The following SLC16A7 variants were observed in gnomAD, a reference collection of about 807,000 sequenced individuals.
SLC16A7 encodes the protein solute carrier family 16 member 7.
Under a neutral mutation model 34.9 loss-of-function variants are expected in SLC16A7, and 33 were observed. The ratio of observed to expected loss-of-function variants is 0.94; its 90% CI spans 0.72 to 1.26. The LOEUF (loss-of-function observed/expected upper bound fraction) is 1.26. SLC16A7 is among the 50% of genes most tolerant of loss of function. The pLI is 0.00. For missense variants in SLC16A7, 573 were observed against 578.1 expected (o/e 0.99, Z 0.09); for synonymous variants, 201 against 206.6 (o/e 0.97, Z 0.23).
At chr12:59,753,232 C>G (rs1285049960) in intron 3 of SLC16A7, among the ~76,000 whole-genome samples, 3 of 152,168 alleles carry the variant, frequency 2.0e-5, no homozygotes, top group Non-Finnish European at 4.4e-5. Context: ...ATCATAATGA[C>G]AGGATCAAAT....
chr12:59,614,054 CTT>C (rs373589268), intron 1 of SLC16A7, among the ~76,000 whole-genome samples: 23 of 136,744 alleles, frequency 1.7e-4, no homozygotes, highest in African/African-American at 1.9e-4. Flanking sequence ...GAATGAGAGC[CTT>C]TTTTTTTTTT....
In SLC16A7 at chr12:59,647,707, T is replaced by C. The variant is rs151254391; in HGVS notation, c.-129-7445T>C. 3.2e-3 allele frequency among the ~76,000 whole-genome samples: 480 copies of C among 152,224 alleles called. 1 individual carries two copies. Among genetic ancestry groups the C allele is most frequent in the African/African-American group, 0.011 (466 of 41,546 alleles). ...ATGTGCACAGGTAATCAAGATGTTG[T>C]GGGAGTTCATGCCTGATCTGATGGC... On this transcript the variant is annotated intron_variant, in intron 1 of 5. Transcript: ENST00000547379.
intron 1 of SLC16A7, among the ~76,000 whole-genome samples, chr12:59,601,186 C>T (rs1878665657): frequency 6.6e-6 from 1 of 152,060 alleles, no homozygotes; most frequent in African/African-American, 2.4e-5. Flanking sequence ...GCTGTTTCTC[C>T]ACCTCATAAT....
chr12:59,779,701 C>G lies in SLC16A7; in HGVS notation c.*22C>G. 1 of 1,583,406 alleles carries G rather than the reference C, an allele frequency of 6.3e-7. No homozygotes were observed. The highest frequency in any genetic ancestry group is 8.6e-7 in the Non-Finnish European group (1 of 1,160,512). On this transcript the variant is annotated 3_prime_UTR_variant, in exon 6 of 6. Transcript: ENST00000547379. ...TTAACAAGAATCACATCTCTGATTT[C>G]AGTGTTTATGACTTTATCTAGGAGT...
At chr12:59,759,084 T>A (rs575271198) in intron 3 of SLC16A7, among the ~76,000 whole-genome samples, 6 of 152,020 alleles carry the variant, frequency 3.9e-5, no homozygotes, top group Non-Finnish European at 5.9e-5. Flanking sequence ...CTACTACATA[T>A]ACTAATCTAA....
intron 2 of SLC16A7, among the ~76,000 whole-genome samples, chr12:59,678,561 T>C (rs1870494224): frequency 6.6e-6 from 1 of 152,162 alleles, no homozygotes; most frequent in Admixed American, 6.5e-5. Context: ...AGGCAGGTTG[T>C]CCCATCGTCT....
intron 1 of SLC16A7, among the ~76,000 whole-genome samples, chr12:59,622,479 T>C (rs540902615): frequency 6.6e-6 from 1 of 152,046 alleles, no homozygotes; most frequent in Non-Finnish European, 1.5e-5. Flanking sequence ...ATATATTCTG[T>C]ATATTCTGCA....
Position 59,599,699 on chromosome 12 carries a change from AT to A in SLC16A7, c.-130+3465del, listed in dbSNP as rs1049025114. Reference sequence around the variant, plus strand: ...ATGGCATGCGGCAAAGAATAATTACATTCTGTTATTGCCCTTTGTTCCCCTC... The same window carrying A: ...ATGGCATGCGGCAAAGAATAATTACATCTGTTATTGCCCTTTGTTCCCCTC... On this transcript the variant is annotated intron_variant, in intron 1 of 5. Transcript: ENST00000547379. 5.9e-5 allele frequency among the ~76,000 whole-genome samples: 9 copies of A among 152,332 alleles called. No homozygotes were observed. In the East Asian group the frequency reaches 1.5e-3, roughly 26 times the overall value.
chr12:59,779,425 A>G lies in SLC16A7; in HGVS notation c.1183A>G (p.Lys395Glu). The change falls in exon 6 of 6, where the codon AAA becomes GAA. Residue 395 changes from lysine to glutamate, a missense_variant and splice_region_variant. Lys to Glu is a moderately conservative substitution (Grantham distance 56). Transcript: ENST00000547379. ...AAAAGATGTTCTTTGTCTTCTAGGT[A>G]AATTGGTGGATTTAACTGGAGAATA... ...PVLLGPPLAG[K>E]LVDLTGEYKY... is the part of the protein sequence containing the mutation. The G allele has an allele frequency of 1.3e-6, 2 of 1,580,934 alleles. No homozygotes were observed. The highest frequency in any genetic ancestry group is 1.7e-6 in the Non-Finnish European group (2 of 1,160,620).
intron 4 of SLC16A7, among the ~76,000 whole-genome samples, chr12:59,772,956 A>G (rs1295485865): frequency 6.6e-6 from 1 of 152,096 alleles, no homozygotes; most frequent in East Asian, 1.9e-4. Context: ...TATTTGGAGT[A>G]GATCAGTTCT....
intron 2 of SLC16A7, among the ~76,000 whole-genome samples, chr12:59,693,417 T>C (rs1412001173): frequency 6.6e-6 from 1 of 151,942 alleles, no homozygotes; most frequent in African/African-American, 2.4e-5. Flanking sequence ...AGTCTAGCCA[T>C]GGATCATCAC....
chr12:59,661,738 C>T (rs2137030922), intron 2 of SLC16A7, among the ~76,000 whole-genome samples: 1 of 152,094 alleles, frequency 6.6e-6, no homozygotes, highest in Non-Finnish European at 1.5e-5. Context: ...GTTAGGACCA[C>T]CCTCCCCCAA....
At chr12:59,681,258 A>C (rs1269946208) in intron 2 of SLC16A7, among the ~76,000 whole-genome samples, 1 of 152,234 alleles carries the variant, frequency 6.6e-6, no homozygotes, top group Admixed American at 6.5e-5. Context: ...AGACAAGTGT[A>C]TGTACCATGT....
At chr12:59,640,070 C>G (rs533799237) in intron 1 of SLC16A7, among the ~76,000 whole-genome samples, 1 of 152,058 alleles carries the variant, frequency 6.6e-6, no homozygotes, top group South Asian at 2.1e-4. Flanking sequence ...AATAGTCACA[C>G]GGAATTGGTG....
At chr12:59,774,143 A>G (rs1882504891) in intron 4 of SLC16A7, among the ~76,000 whole-genome samples, 1 of 152,202 alleles carries the variant, frequency 6.6e-6, no homozygotes, top group Non-Finnish European at 1.5e-5. Flanking sequence ...TTATTTGCAT[A>G]GTATTGAAAC....
chr12:59,746,093 CT>C (rs1878860131), intron 3 of SLC16A7, among the ~76,000 whole-genome samples: 2 of 152,180 alleles, frequency 1.3e-5, no homozygotes, highest in South Asian at 4.1e-4. Context: ...AAAGATCACT[CT>C]TGGTTACTTC....
intron 2 of SLC16A7, among the ~76,000 whole-genome samples, chr12:59,669,385 ATTTCT>A (rs746938782): frequency 1.8e-3 from 278 of 152,152 alleles, no homozygotes; most frequent in Non-Finnish European, 2.7e-3. Flanking sequence ...GTATATATAG[ATTTCT>A]TTTGTTTTTA....
intron 2 of SLC16A7, among the ~76,000 whole-genome samples, chr12:59,699,146 G>A (rs937145310): frequency 2.0e-5 from 3 of 150,892 alleles, no homozygotes; most frequent in African/African-American, 7.3e-5. Flanking sequence ...TATATCTTTG[G>A]CAAATGATAA....
intron 1 of SLC16A7, among the ~76,000 whole-genome samples, chr12:59,630,414 T>C (rs530749318): frequency 6.6e-6 from 1 of 151,976 alleles, no homozygotes; most frequent in African/African-American, 2.4e-5. Context: ...GGTGTGAAAA[T>C]TGACAGCTTA....
Sources: allele counts gnomAD v4.1 joint callset (sites outside exome capture counted in the v4.1 genomes callset), GRCh38; gene constraint gnomAD v4.1.1; transcripts MANE v1.5; gene names NCBI Gene and HGNC (gene_info 2026-07-23, HGNC 2026-07-21).